IMMP2L: variants seen among roughly 807,000 people sequenced by gnomAD.
IMMP2L encodes the protein mitochondrial inner membrane protease subunit 2.
A neutral mutation model predicts 19.3 loss-of-function variants in IMMP2L; 18 were observed. The ratio of observed to expected loss-of-function variants is 0.93; its 90% confidence interval spans 0.64 to 1.38. The LOEUF (loss-of-function observed/expected upper bound fraction) is 1.38, where lower values mean the gene tolerates loss of function less well. Among genes scored for constraint, IMMP2L ranks in the 40% most tolerant of loss-of-function variants. IMMP2L has a pLI of 0.00. For synonymous variants in IMMP2L, 76 were observed against 73.0 expected, an observed-to-expected ratio of 1.04 and a Z score of -0.21; for missense variants, 233 against 218.2, an observed-to-expected ratio of 1.07 and a Z score of -0.43.
rs923888146 is a variant in IMMP2L, at chr7:110,757,649, C to A, written c.409-93928G>T. On this transcript the variant is annotated intron_variant, in intron 5 of 5. Transcript: ENST00000405709. This position sits in a 1 kb window ranked among gnomAD's most constrained non-coding sequence, Gnocchi z 4.2. ...TACCGGGTTCTATAAGTGCTCCCAG[C>A]CCTTGTCCAGCAGTGGTAACAGCTC... is the stretch of plus-strand genomic sequence containing the variant. 6.6e-6 allele frequency among the ~76,000 whole-genome samples: 1 copy of A among 152,126 alleles called. No individual in the cohort carries two copies. The highest frequency in any genetic ancestry group is 2.4e-5 in the African/African-American group (1 of 41,440).
chr7:111,304,294 A>T (rs950673904), intron 3 of IMMP2L, among the ~76,000 whole-genome samples: 3 of 152,082 alleles, frequency 2.0e-5, no homozygotes, highest in South Asian at 2.1e-4. Context: ...TAAAGCTTTA[A>T]CAGGAAATAA....
At chr7:111,309,454 T>C (rs1823261972) in intron 3 of IMMP2L, among the ~76,000 whole-genome samples, 1 of 152,150 alleles carries the variant, frequency 6.6e-6, no homozygotes. Context: ...CAAAGGTCCA[T>C]AAGGAACCAT....
At chr7:110,794,088 G>A (rs1800682214) in intron 5 of IMMP2L, among the ~76,000 whole-genome samples, 1 of 152,032 alleles carries the variant, frequency 6.6e-6, no homozygotes, top group Non-Finnish European at 1.5e-5. Context: ...AAGACAATTT[G>A]GCAGTTTCTT....
intron 3 of IMMP2L, among the ~76,000 whole-genome samples, chr7:111,250,602 C>T (rs746775819): frequency 2.6e-5 from 4 of 151,998 alleles, no homozygotes; most frequent in African/African-American, 4.8e-5. Context: ...TAAGACTGCA[C>T]GTCTACAACC....
chr7:110,829,325 G>C (rs1584956657), intron 5 of IMMP2L, among the ~76,000 whole-genome samples: 1 of 152,150 alleles, frequency 6.6e-6, no homozygotes, highest in Non-Finnish European at 1.5e-5. Flanking sequence ...AGAGCTTGGG[G>C]GAGTGGGATA....
chr7:111,080,506 T>C (rs1172857440), intron 3 of IMMP2L, among the ~76,000 whole-genome samples: 1 of 44,254 alleles, frequency 2.3e-5, no homozygotes, highest in East Asian at 6.2e-4. Context: ...GTGTATAATA[T>C]ATAATGTGTG....
At chr7:111,029,700 A>C (rs1585840979) in intron 3 of IMMP2L, among the ~76,000 whole-genome samples, 1 of 152,184 alleles carries the variant, frequency 6.6e-6, no homozygotes, top group Admixed American at 6.5e-5. Flanking sequence ...TGACTGTTAT[A>C]GTTAGAAAAC....
intron 3 of IMMP2L, among the ~76,000 whole-genome samples, chr7:111,249,622 T>C (rs1327663479): frequency 1.3e-5 from 2 of 152,034 alleles, no homozygotes; most frequent in Non-Finnish European, 2.9e-5. Context: ...GAAAGTCATA[T>C]TTGTAATTCA....
chr7:110,767,239 T>C (rs1317781480), intron 5 of IMMP2L, among the ~76,000 whole-genome samples: 1 of 152,150 alleles, frequency 6.6e-6, no homozygotes, highest in East Asian at 1.9e-4. Flanking sequence ...GTTTGTGTTT[T>C]TGCAAAATGG....
intron 3 of IMMP2L, among the ~76,000 whole-genome samples, chr7:111,485,597 CAAAAAAAA>C (rs71147477): frequency 5.3e-4 from 27 of 50,588 alleles, no homozygotes; most frequent in South Asian, 1.2e-3. Flanking sequence ...GACTCTGTTT[CAAAAAAAA>C]AAAAAAAAAA....
chr7:110,902,122 A>C (rs1439656413), intron 4 of IMMP2L, among the ~76,000 whole-genome samples: 1 of 152,070 alleles, frequency 6.6e-6, no homozygotes, highest in Non-Finnish European at 1.5e-5. Flanking sequence ...TAAAATGTAC[A>C]TGATTTTGGA....
At position 111,062,687 on chromosome 7, in the gene IMMP2L, T is replaced by C. The variant is rs550039287; in HGVS notation, c.240-99122A>G. 1.6e-4 allele frequency among the ~76,000 whole-genome samples: 24 copies of C among 152,302 alleles called. No homozygotes were observed. The South Asian group carries it at 4.8e-3, about 30-fold the overall frequency. The stretch of plus-strand genomic sequence containing the variant: ...GGTACAGGCATTGGGCAAATACAGC[T>C]GTTCCAAATGGGGAAAACTAGCCAA... On this transcript the variant is annotated intron_variant, in intron 3 of 5. Transcript: ENST00000405709.
At chr7:111,111,512 CTT>C (rs1799201680) in intron 3 of IMMP2L, among the ~76,000 whole-genome samples, 1 of 151,870 alleles carries the variant, frequency 6.6e-6, no homozygotes, top group African/African-American at 2.4e-5. Context: ...CTATGCCACT[CTT>C]TTGGGGGATC....
intron 3 of IMMP2L, among the ~76,000 whole-genome samples, chr7:111,115,517 C>G (rs1229637140): frequency 6.6e-6 from 1 of 151,984 alleles, no homozygotes; most frequent in Non-Finnish European, 1.5e-5. Context: ...ATTTCATCCC[C>G]CCCTCTGTAA....
intron 3 of IMMP2L, among the ~76,000 whole-genome samples, chr7:111,482,982 G>A (rs1227550626): frequency 6.6e-6 from 1 of 152,104 alleles, no homozygotes; most frequent in African/African-American, 2.4e-5. Context: ...GAAAATATGG[G>A]ATCTTGAGTA....
intron 3 of IMMP2L, among the ~76,000 whole-genome samples, chr7:111,352,581 TC>T (rs1828281762): frequency 6.6e-6 from 1 of 152,220 alleles, no homozygotes; most frequent in African/African-American, 2.4e-5. Context: ...GAAAACATAA[TC>T]TAGTCATTTC....
chr7:111,513,645 T>G (rs1431455162), intron 2 of IMMP2L, among the ~76,000 whole-genome samples: 1 of 152,116 alleles, frequency 6.6e-6, no homozygotes, highest in Non-Finnish European at 1.5e-5. Flanking sequence ...CAAAGAAATA[T>G]CTTCACTCCC....
At chr7:111,255,113 A>G (rs888108657) in intron 3 of IMMP2L, among the ~76,000 whole-genome samples, 2 of 152,058 alleles carry the variant, frequency 1.3e-5, no homozygotes, top group East Asian at 3.8e-4. Context: ...CAATCCCACT[A>G]TTTTAACAAC....
At chr7:111,414,116 C>CTG (rs1834732633) in intron 3 of IMMP2L, among the ~76,000 whole-genome samples, 1 of 151,780 alleles carries the variant, frequency 6.6e-6, no homozygotes, top group Non-Finnish European at 1.5e-5. Flanking sequence ...TCCTCAGGGG[C>CTG]TGGCTCACTT....
Sources: gnomAD v4.1 joint callset for allele counts (sites outside exome capture counted in the v4.1 genomes callset) on GRCh38, gnomAD v4.1.1 for gene constraint, Gnocchi (gnomAD v3.1) non-coding constraint, MANE v1.5 for transcripts, NCBI Gene and HGNC (gene_info 2026-07-23, HGNC 2026-07-21) for gene names.